The following LGR5 variants were observed in gnomAD, a reference collection of about 807,000 sequenced individuals.
The protein encoded by LGR5 is leucine rich repeat containing G protein-coupled receptor 5, also known as leucine-rich repeat-containing G protein-coupled receptor 5.
Under a neutral mutation model 76.7 loss-of-function variants are expected in LGR5, and 54 were observed. That is an observed-to-expected ratio of 0.70 (90% CI 0.57 to 0.88). The LOEUF (loss-of-function observed/expected upper bound fraction) is 0.88, where lower values mean the gene tolerates loss of function less well. Ranked by LOEUF, LGR5 falls within the 40% of genes least tolerant of loss-of-function variation. LGR5 has a pLI of 0.00. For synonymous variants in LGR5, 406 were observed against 421.9 expected, an observed-to-expected ratio of 0.96 and a Z score of 0.46; for missense variants, 1,078 against 1,073.3, an observed-to-expected ratio of 1.00 and a Z score of -0.06.
intron 13 of LGR5, among the ~76,000 whole-genome samples, chr12:71,573,212 C>G (rs553788754): frequency 6.6e-6 from 1 of 152,312 alleles, no homozygotes; most frequent in South Asian, 2.1e-4. Context: ...CTGGAATCGA[C>G]AAGAAACATT....
At chr12:71,547,718 T>G (rs1391666219) in intron 4 of LGR5, among the ~76,000 whole-genome samples, 1 of 152,210 alleles carries the variant, frequency 6.6e-6, no homozygotes, top group Non-Finnish European at 1.5e-5. Context: ...CCTGATTCAG[T>G]GCACTTTCCA....
At chr12:71,532,858 G>A (rs1486288953) in intron 3 of LGR5, among the ~76,000 whole-genome samples, 1 of 151,212 alleles carries the variant, frequency 6.6e-6, no homozygotes, top group African/African-American at 2.4e-5. Context: ...ATAAGTACAT[G>A]CAACCACTCT....
intron 1 of LGR5, among the ~76,000 whole-genome samples, chr12:71,490,164 A>G (rs1874006669): frequency 6.6e-6 from 1 of 151,922 alleles, no homozygotes; most frequent in Non-Finnish European, 1.5e-5. Context: ...ATCAAATAGT[A>G]ACTATTTGGT....
intron 1 of LGR5, among the ~76,000 whole-genome samples, chr12:71,446,793 A>G (rs1872016082): frequency 1.3e-5 from 2 of 152,338 alleles, no homozygotes; most frequent in South Asian, 2.1e-4. Flanking sequence ...CAATTTTCCA[A>G]TAATGTGAGC....
At chr12:71,521,712 G>A (rs911715241) in intron 2 of LGR5, among the ~76,000 whole-genome samples, 2 of 152,234 alleles carry the variant, frequency 1.3e-5, no homozygotes, top group Admixed American at 6.5e-5. Context: ...TGGATACTGG[G>A]GGACAGTCAG....
chr12:71,567,193 T>A, intron 11 of LGR5: 1 of 398,394 alleles, frequency 2.5e-6, no homozygotes. Flanking sequence ...GAGGCCAAAA[T>A]CACTTTATTT....
chr12:71,548,187 T>C (rs923439475), intron 4 of LGR5, among the ~76,000 whole-genome samples: 2 of 152,188 alleles, frequency 1.3e-5, no homozygotes, highest in African/African-American at 4.8e-5. Context: ...ATGGCCAAGA[T>C]GCCAAGATCA....
chr12:71,452,071 G>A (rs952394082), intron 1 of LGR5, among the ~76,000 whole-genome samples: 3 of 152,134 alleles, frequency 2.0e-5, no homozygotes, highest in Non-Finnish European at 4.4e-5. Context: ...TGCTTACCCT[G>A]CCTTGTCCAT....
chr12:71,462,211 C>T (rs1187878219), intron 1 of LGR5, among the ~76,000 whole-genome samples: 1 of 152,120 alleles, frequency 6.6e-6, no homozygotes, highest in African/African-American at 2.4e-5. Context: ...AAGATCTCTA[C>T]AATCACCTCA....
At chr12:71,515,510 T>G (rs1203998722) in intron 2 of LGR5, among the ~76,000 whole-genome samples, 3 of 151,870 alleles carry the variant, frequency 2.0e-5, no homozygotes, top group African/African-American at 7.3e-5. Flanking sequence ...CTCCAAAGAG[T>G]GGGAAAATTC....
intron 1 of LGR5, among the ~76,000 whole-genome samples, chr12:71,453,870 G>T (rs904666142): frequency 6.6e-6 from 1 of 152,050 alleles, no homozygotes; most frequent in African/African-American, 2.4e-5. Context: ...CAACATAATT[G>T]CAGGAAGGAT....
In LGR5 at chr12:71,440,309, G is replaced by C. The variant is rs1197766066; in HGVS notation, c.212+17G>C. 1 of 1,602,122 alleles carries C rather than the reference G, an allele frequency of 6.2e-7. No individual in the cohort carries two copies. The highest frequency in any genetic ancestry group is 8.5e-7 in the Non-Finnish European group (1 of 1,175,952). Reference sequence around the variant, plus strand: ...CTCCTACCTGTAAGTACTTCCCCACGTCACTCCGGGAGAGAGACTAAGAGG... The same window carrying C: ...CTCCTACCTGTAAGTACTTCCCCACCTCACTCCGGGAGAGAGACTAAGAGG... On this transcript the variant is annotated intron_variant, in intron 1 of 17. Transcript: ENST00000266674. The surrounding 1 kb of genome is among the most constrained non-coding windows in gnomAD (Gnocchi z 5.3).
At chr12:71,581,186 C>A (rs1280651718) in intron 16 of LGR5, among the ~76,000 whole-genome samples, 1 of 152,226 alleles carries the variant, frequency 6.6e-6, no homozygotes, top group Non-Finnish European at 1.5e-5. Context: ...CTTCATATTT[C>A]AGCAGAAGGG....
intron 1 of LGR5, among the ~76,000 whole-genome samples, chr12:71,442,572 A>C (rs1871814381): frequency 6.6e-6 from 1 of 152,234 alleles, no homozygotes; most frequent in Non-Finnish European, 1.5e-5. Context: ...TGAGTGCTGA[A>C]TATAGAAGTC....
In LGR5 at chr12:71,533,441, C is replaced by T. The variant is rs371760046; in HGVS notation, c.357-1674C>T. 8.5e-5 allele frequency among the ~76,000 whole-genome samples: 13 copies of T among 152,302 alleles called. No homozygotes were observed. In the South Asian group the frequency reaches 2.1e-3, roughly 24 times the overall value. Reference sequence around the variant, plus strand: ...GTGGTGCCCTGCTCAGCAGTATTGGCGTCACCTGAGAGCTTGTTACAAGTG... The same window carrying T: ...GTGGTGCCCTGCTCAGCAGTATTGGTGTCACCTGAGAGCTTGTTACAAGTG... On this transcript the variant is annotated intron_variant, in intron 3 of 17. Transcript: ENST00000266674.
At chr12:71,501,686 G>A (rs961107467) in intron 1 of LGR5, among the ~76,000 whole-genome samples, 1 of 152,038 alleles carries the variant, frequency 6.6e-6, no homozygotes, top group African/African-American at 2.4e-5. Context: ...AACTATTTCT[G>A]TTAAATCACA....
chr12:71,559,336 T>A (rs965423834), intron 6 of LGR5, among the ~76,000 whole-genome samples: 1 of 152,200 alleles, frequency 6.6e-6, no homozygotes, highest in Non-Finnish European at 1.5e-5. Flanking sequence ...CCTTTCTTTT[T>A]TAGACGCCCC....
At chr12:71,493,077 C>T (rs897699095) in intron 1 of LGR5, among the ~76,000 whole-genome samples, 10 of 151,242 alleles carry the variant, frequency 6.6e-5, no homozygotes, top group African/African-American at 2.5e-4. Flanking sequence ...ATTTTAAGAC[C>T]AGAATGTTTA....
At chr12:71,530,049 CACTT>C (rs1394667847) in intron 3 of LGR5, among the ~76,000 whole-genome samples, 3 of 151,556 alleles carry the variant, frequency 2.0e-5, no homozygotes, top group East Asian at 3.9e-4. Flanking sequence ...TATATAATGA[CACTT>C]ACATCATCTT....
Sources: allele counts gnomAD v4.1 joint callset (sites outside exome capture counted in the v4.1 genomes callset), GRCh38; gene constraint gnomAD v4.1.1; non-coding constraint Gnocchi (gnomAD v3.1); transcripts MANE v1.5; gene names NCBI Gene and HGNC (gene_info 2026-07-23, HGNC 2026-07-21).